ERC1: variants seen among roughly 807,000 people sequenced by gnomAD.
ERC1 encodes RAB6 interacting protein 2.
In ERC1, 56 loss-of-function variants were observed where a neutral mutation model predicts 132.0. That is an observed-to-expected ratio of 0.42 (90% CI 0.34 to 0.53). The LOEUF (loss-of-function observed/expected upper bound fraction) is 0.53, where lower values mean the gene tolerates loss of function less well. Among genes scored for constraint, ERC1 ranks in the 20% least tolerant of loss-of-function variants. ERC1 has a pLI of 0.03. For synonymous variants in ERC1, 478 were observed against 476.1 expected, an observed-to-expected ratio of 1.00 and a Z score of -0.05; for missense variants, 1,202 against 1,349.9, an observed-to-expected ratio of 0.89 and a Z score of 1.72.
intron 16 of ERC1, among the ~76,000 whole-genome samples, chr12:1,394,842 A>G (rs866358707): frequency 4.6e-5 from 7 of 152,228 alleles, no homozygotes; most frequent in African/African-American, 1.7e-4. Context: ...AGTTCTTTAC[A>G]GCAGTGTGAG....
chr12:1,351,612 T>A (rs192758948), intron 15 of ERC1, among the ~76,000 whole-genome samples: 46 of 152,346 alleles, frequency 3.0e-4, no homozygotes, highest in Non-Finnish European at 6.3e-4. Flanking sequence ...CTTGGTGAGG[T>A]GTCTGTTAAG....
At chr12:1,055,272 C>T (rs770938030) in intron 2 of ERC1, among the ~76,000 whole-genome samples, 2 of 152,066 alleles carry the variant, frequency 1.3e-5, no homozygotes, top group African/African-American at 2.4e-5. Flanking sequence ...CTCTGCTTCC[C>T]GGCTTCAAGC....
Position 1,083,229 on chromosome 12 carries a change from G to C in ERC1, c.735G>C (p.Leu245=), listed in dbSNP as rs758816706. The change falls in exon 3 of 19, where the codon CTG becomes CTC. Residue 245 remains leucine (L), a synonymous_variant. Transcript: ENST00000360905. ...ELRIQRDLNQ[L]FQQDSSSRTG... Reference sequence around the variant, plus strand: ...GGATCCAGAGGGACCTGAATCAGCTGTTTCAGCAGGATAGTAGCAGCAGGA... The same window carrying C: ...GGATCCAGAGGGACCTGAATCAGCTCTTTCAGCAGGATAGTAGCAGCAGGA... 14 of 1,614,054 alleles carry C rather than the reference G, an allele frequency of 8.7e-6. No homozygotes were observed. Among genetic ancestry groups the C allele is most frequent in the African/African-American group, 4.0e-5 (3 of 74,928 alleles).
intron 8 of ERC1, among the ~76,000 whole-genome samples, chr12:1,167,991 G>A (rs1376700278): frequency 6.6e-6 from 1 of 152,170 alleles, no homozygotes; most frequent in Non-Finnish European, 1.5e-5. Context: ...TGGGATTGCA[G>A]GCGTGAGTCA....
intron 15 of ERC1, among the ~76,000 whole-genome samples, chr12:1,296,439 G>A (rs1020153371): frequency 1.2e-4 from 13 of 108,416 alleles, no homozygotes; most frequent in African/African-American, 4.7e-4. Context: ...TTGAGATGGA[G>A]TGTCGCTCTT....
chr12:1,299,621 G>GGATAACGGAAATATTAAA (rs1162562228), intron 15 of ERC1, among the ~76,000 whole-genome samples: 1 of 152,032 alleles, frequency 6.6e-6, no homozygotes, highest in Non-Finnish European at 1.5e-5. Flanking sequence ...ACAGTAAGTA[G>GGATAACGGAAATATTAAA]GATAACGGAA....
At chr12:1,337,787 C>T (rs1029781471) in intron 15 of ERC1, among the ~76,000 whole-genome samples, 3 of 152,094 alleles carry the variant, frequency 2.0e-5, no homozygotes, top group African/African-American at 7.2e-5. Flanking sequence ...CTGATTTTTC[C>T]CTCACTTATG....
At chr12:1,053,869 C>G (rs920519292) in intron 2 of ERC1, among the ~76,000 whole-genome samples, 1 of 152,122 alleles carries the variant, frequency 6.6e-6, no homozygotes, top group Non-Finnish European at 1.5e-5. Flanking sequence ...CTTCAGTTTT[C>G]AAAAAGTCTG....
chr12:1,245,246 CT>C (rs1354747934), intron 13 of ERC1, among the ~76,000 whole-genome samples: 1 of 151,942 alleles, frequency 6.6e-6, no homozygotes, highest in Non-Finnish European at 1.5e-5. Context: ...TTTTTCTCTT[CT>C]GTTCCTCTAG....
chr12:1,134,975 A>G (rs192379417), intron 7 of ERC1, among the ~76,000 whole-genome samples: 18 of 152,120 alleles, frequency 1.2e-4, no homozygotes, highest in African/African-American at 3.9e-4. Flanking sequence ...TGATCTGGCC[A>G]CCTTGGTCTT....
chr12:1,438,004 T>G (rs2092993778), intron 17 of ERC1, among the ~76,000 whole-genome samples: 1 of 152,186 alleles, frequency 6.6e-6, no homozygotes, highest in Non-Finnish European at 1.5e-5. Flanking sequence ...ACCAGATATT[T>G]CTATTAGTAG....
At position 1,491,147 on chromosome 12, in the gene ERC1, C is replaced by T. The variant is rs559729414; in HGVS notation, c.*917C>T. The T allele has an allele frequency of 3.0e-5, 7 of 232,424 alleles. No homozygotes were observed. In the South Asian group the frequency reaches 9.1e-4, roughly 30 times the overall value. The allele number at this position is 232,424 out of a possible 1,614,324, so 14.4% of individuals were successfully genotyped here. ...CTGTTGTCCCCGCCTGCAGCTTTGC[C>T]CCAGTAACAGATGCCCGTTGCTCTT... On this transcript the variant is annotated 3_prime_UTR_variant, in exon 19 of 19. Coordinates refer to ENST00000360905, the MANE Select transcript of ERC1 (RefSeq NM_178040.4).
intron 12 of ERC1, chr12:1,204,021 GT>G (rs1037765915): frequency 2.0e-5 from 3 of 153,134 alleles, no homozygotes; most frequent in African/African-American, 7.2e-5. Context: ...CAGAAGCTGT[GT>G]TTTTCTGCTT....
intron 15 of ERC1, among the ~76,000 whole-genome samples, chr12:1,354,348 A>AC: frequency 6.6e-6 from 1 of 151,260 alleles, no homozygotes; most frequent in East Asian, 2.0e-4. Context: ...ACACGGTGAA[A>AC]CCCCTGTCTA....
chr12:1,430,272 G>T (rs2092755000), intron 17 of ERC1: 1 of 152,156 alleles, frequency 6.6e-6, no homozygotes, highest in Non-Finnish European at 1.5e-5. Context: ...CATCCCTTCG[G>T]CCACATTCTG....
At chr12:1,240,868 A>C (rs2075744024) in intron 13 of ERC1, among the ~76,000 whole-genome samples, 1 of 152,084 alleles carries the variant, frequency 6.6e-6, no homozygotes, top group South Asian at 2.1e-4. Context: ...CTTTTTAAAA[A>C]CTTTATATCA....
intron 13 of ERC1, chr12:1,244,662 C>T (rs754634756): frequency 2.5e-6 from 1 of 405,076 alleles, no homozygotes; most frequent in South Asian, 1.8e-5. Flanking sequence ...GCTGGGATTC[C>T]AGGCGTGTGC....
At position 1,436,986 on chromosome 12, in the gene ERC1, ATG is replaced by A. The variant is rs34857809; in HGVS notation, c.3025-7574_3025-7573del. 1.1e-3 allele frequency among the ~76,000 whole-genome samples: 165 copies of A among 151,512 alleles called. 1 individual carries two copies. The highest frequency in any genetic ancestry group is 3.8e-3 in the African/African-American group (157 of 40,822). On this transcript the variant is annotated intron_variant, in intron 17 of 18. Coordinates refer to ENST00000360905, the MANE Select transcript of ERC1 (RefSeq NM_178040.4). ...AAGCCATTCAGATATATATATATAT[ATG>A]TACTTATACTTAACTCTTCCATTTT... is the stretch of plus-strand genomic sequence containing the variant.
intron 12 of ERC1, among the ~76,000 whole-genome samples, chr12:1,214,877 C>T (rs906915463): frequency 9.2e-5 from 14 of 152,148 alleles, no homozygotes; most frequent in Non-Finnish European, 1.9e-4. Flanking sequence ...CTTAGAGAGG[C>T]TAAAGATCAT....
Sources: allele counts gnomAD v4.1 joint callset (sites outside exome capture counted in the v4.1 genomes callset), GRCh38; gene constraint gnomAD v4.1.1; transcripts MANE v1.5; gene names NCBI Gene and HGNC (gene_info 2026-07-23, HGNC 2026-07-21).